The following FBXO15 variants were observed in gnomAD, a reference collection of about 807,000 sequenced individuals.
FBXO15 encodes F-box protein 15, also known as F-box only protein 15.
A neutral mutation model predicts 49.5 loss-of-function variants in FBXO15; 30 were observed. The observed-to-expected ratio is 0.61, with a 90% CI of 0.45 to 0.82. FBXO15 has a LOEUF of 0.82. Among genes scored for constraint, FBXO15 ranks in the 40% least tolerant of loss-of-function variants. The pLI is 0.00. For synonymous variants in FBXO15, 250 were observed against 232.7 expected (o/e 1.07, Z -0.68); for missense variants, 591 against 631.5 (o/e 0.94, Z 0.69).
intron 1 of FBXO15, 119 bp downstream of exon 1, chr18:74,147,551 T>G (rs910227052): frequency 1.6e-6 from 2 of 1,288,492 alleles, no homozygotes; most frequent in African/African-American, 1.5e-5. Flanking sequence ...CCTTCTCACG[T>G]TGAAGACGGC....
In FBXO15 at chr18:74,140,300, C is replaced by G. The variant is rs564100560; in HGVS notation, c.129G>C (p.Gly43=). ...ARAFGCRKGP[G]VKLSAGSAAL... ...CAGCAGAGCCTGCAGAAAGCTTGAC[C>G]CCTGGCCCCTTTCTGAAAGTAAATG... The change falls in exon 2 of 10, where the codon GGG becomes GGC. Residue 43 remains glycine, a synonymous_variant. Transcript: ENST00000419743. 12 of 1,550,416 alleles carry G rather than the reference C, an allele frequency of 7.7e-6. No individual in the cohort carries two copies. Among genetic ancestry groups the G allele is most frequent in the African/African-American group, 1.4e-5 (1 of 73,122 alleles).
At chr18:74,087,435 T>G (rs1205478314) in intron 8 of FBXO15, among the ~76,000 whole-genome samples, 2 of 152,194 alleles carry the variant, frequency 1.3e-5, no homozygotes, top group Non-Finnish European at 2.9e-5. Flanking sequence ...GTTCCCTTCT[T>G]TGTGTTCATA....
At chr18:74,098,543 A>T (rs1477414359) in intron 8 of FBXO15, 4 of 152,218 alleles carry the variant, frequency 2.6e-5, no homozygotes, top group Non-Finnish European at 5.9e-5. Flanking sequence ...AAGGTTTTTG[A>T]ATTAACCCAG....
In FBXO15 at chr18:74,093,509, G is replaced by A. The variant is rs556540266; in HGVS notation, c.1139-11458C>T. ...CCCTGGGAGAGGCCAGCAGACATAA[G>A]GGTGCTCAGGTGAGTCTGGCCTCAT... On this transcript the variant is annotated intron_variant, in intron 8 of 9. Coordinates refer to ENST00000419743, the MANE Select transcript of FBXO15 (RefSeq NM_001142958.2). Among the ~76,000 whole-genome samples the A allele has an allele frequency of 2.0e-5, 3 of 152,300 alleles. No homozygotes were observed. The East Asian group carries it at 5.8e-4, about 29-fold the overall frequency.
chr18:74,128,092 T>G (rs1011767053), intron 5 of FBXO15, among the ~76,000 whole-genome samples: 2 of 152,220 alleles, frequency 1.3e-5, no homozygotes, highest in African/African-American at 4.8e-5. Context: ...AAGTACCATT[T>G]TTTAAAAGGT....
chr18:74,074,857 A>C lies in FBXO15; in HGVS notation c.1264-1127T>G, dbSNP rs1030863187. On this transcript the variant is annotated intron_variant, in intron 9 of 9. Coordinates refer to ENST00000419743, the MANE Select transcript of FBXO15 (RefSeq NM_001142958.2). This position sits in a 1 kb window ranked among gnomAD's most constrained non-coding sequence, Gnocchi z 4.7. ...AGAGCACTGCCCATGGACCTAGCCC[A>C]CCCACTAGCCAGCCCTTCCTTCTCC... Among the ~76,000 whole-genome samples the C allele has an allele frequency of 6.6e-6, 1 of 151,990 alleles. No homozygotes were observed. Among genetic ancestry groups the C allele is most frequent in the Non-Finnish European group, 1.5e-5 (1 of 67,940 alleles).
intron 2 of FBXO15, 136 bp from the exon 3 acceptor site, chr18:74,136,002 T>C (rs1465647113): frequency 3.3e-6 from 2 of 606,688 alleles, no homozygotes; most frequent in South Asian, 2.2e-5. Flanking sequence ...AGAGGCAAAC[T>C]GTACCCTCAT....
chr18:74,087,230 G>T (rs933650580), intron 8 of FBXO15, among the ~76,000 whole-genome samples: 2 of 152,198 alleles, frequency 1.3e-5, no homozygotes, highest in Non-Finnish European at 2.9e-5. Context: ...GAATGTGGCT[G>T]TGGCATTTTT....
chr18:74,099,674 C>T (rs1055661317), intron 8 of FBXO15: 3 of 152,074 alleles, frequency 2.0e-5, no homozygotes, highest in Non-Finnish European at 4.4e-5. Flanking sequence ...AAGAAACTCA[C>T]CTAACACATA....
intron 6 of FBXO15, among the ~76,000 whole-genome samples, chr18:74,125,233 G>A (rs1281209720): frequency 2.0e-5 from 3 of 152,160 alleles, no homozygotes; most frequent in Non-Finnish European, 4.4e-5. Context: ...GGATGCATGC[G>A]AGTCACCGAA....
intron 8 of FBXO15, among the ~76,000 whole-genome samples, chr18:74,120,142 G>A (rs1264978076): frequency 3.3e-5 from 5 of 152,214 alleles, no homozygotes; most frequent in African/African-American, 4.8e-5. Context: ...TGTGTACTTA[G>A]TCAAAGGGAT....
At chr18:74,101,724 GGCCACA>G (rs143769208) in intron 8 of FBXO15, among the ~76,000 whole-genome samples, 6,703 of 152,136 alleles carry the variant, frequency 0.044, 197 homozygotes, top group East Asian at 0.12. Context: ...TATACTATAA[GGCCACA>G]GTCACCAAAA....
intron 8 of FBXO15, among the ~76,000 whole-genome samples, chr18:74,082,698 G>A (rs1054644066): frequency 2.0e-5 from 3 of 152,032 alleles, no homozygotes; most frequent in African/African-American, 7.2e-5. Context: ...AGGGAGAGCC[G>A]CAGCACCACT....
At chr18:74,120,855 A>C (rs1304643054) in intron 8 of FBXO15, among the ~76,000 whole-genome samples, 1 of 150,374 alleles carries the variant, frequency 6.7e-6, no homozygotes, top group African/African-American at 2.5e-5. Context: ...AAAATAATAC[A>C]GAAAAAAAGG....
chr18:74,094,256 AT>A (rs1339558189), intron 8 of FBXO15, among the ~76,000 whole-genome samples: 1 of 152,176 alleles, frequency 6.6e-6, no homozygotes, highest in African/African-American at 2.4e-5. Context: ...TAGATTTCTC[AT>A]GAATGCTTTA....
intron 8 of FBXO15, among the ~76,000 whole-genome samples, chr18:74,085,303 C>T (rs1332631808): frequency 6.6e-6 from 1 of 151,840 alleles, no homozygotes; most frequent in African/African-American, 2.4e-5. Flanking sequence ...TTTATAAAGA[C>T]ACACAGATTG....
At chr18:74,092,868 C>T (rs1224938409) in intron 8 of FBXO15, among the ~76,000 whole-genome samples, 1 of 152,098 alleles carries the variant, frequency 6.6e-6, no homozygotes, top group Non-Finnish European at 1.5e-5. Context: ...CGAGCAGCAG[C>T]AGCAGCAGCA....
intron 8 of FBXO15, among the ~76,000 whole-genome samples, chr18:74,083,704 A>G (rs1251806093): frequency 6.6e-6 from 1 of 152,222 alleles, no homozygotes; most frequent in Non-Finnish European, 1.5e-5. Flanking sequence ...CAGAACAATT[A>G]TAACACTGTG....
At chr18:74,106,344 C>A (rs2145154671) in intron 8 of FBXO15, among the ~76,000 whole-genome samples, 1 of 151,912 alleles carries the variant, frequency 6.6e-6, no homozygotes, top group South Asian at 2.1e-4. Flanking sequence ...ACAATATATA[C>A]AAAATTAGAA....
Sources: allele counts gnomAD v4.1 joint callset (sites outside exome capture counted in the v4.1 genomes callset), GRCh38; gene constraint gnomAD v4.1.1; non-coding constraint Gnocchi (gnomAD v3.1); transcripts MANE v1.5; gene names NCBI Gene and HGNC (gene_info 2026-07-23, HGNC 2026-07-21).